Variants in PARD3 observed in about 807,000 individuals in gnomAD.
The protein encoded by PARD3 is partitioning defective 3 homolog.
In PARD3, 75 loss-of-function variants were observed where a neutral mutation model predicts 155.4. That is an observed-to-expected ratio of 0.48 (90% CI 0.40 to 0.58). PARD3 has a LOEUF of 0.58. PARD3 is among the 20% of genes least tolerant of loss of function. PARD3 has a pLI of 0.00. For missense variants in PARD3, 1,642 were observed against 1,721.7 expected, an observed-to-expected ratio of 0.95 and a Z score of 0.82; for synonymous variants, 576 against 610.5, an observed-to-expected ratio of 0.94 and a Z score of 0.83.
intron 2 of PARD3, among the ~76,000 whole-genome samples, chr10:34,652,627 A>G (rs1365805010): frequency 6.6e-6 from 1 of 152,204 alleles, no homozygotes; most frequent in Non-Finnish European, 1.5e-5. Flanking sequence ...CCCTTACTGA[A>G]ATGCACGCTG....
intron 22 of PARD3, among the ~76,000 whole-genome samples, chr10:34,237,223 T>C: frequency 6.6e-6 from 1 of 152,196 alleles, no homozygotes. Context: ...TGATCCATTG[T>C]GTAGGTACAG....
chr10:34,147,556 A>G (rs186024376), intron 22 of PARD3, among the ~76,000 whole-genome samples: 2 of 151,938 alleles, frequency 1.3e-5, no homozygotes, highest in African/African-American at 4.8e-5. Context: ...GTTTATATAT[A>G]TAGTAAAATT....
At chr10:34,171,765 T>A (rs1408137801) in intron 22 of PARD3, among the ~76,000 whole-genome samples, 1 of 151,410 alleles carries the variant, frequency 6.6e-6, no homozygotes, top group East Asian at 1.9e-4. Flanking sequence ...GCCTAGCCAA[T>A]ATGGTGAAAT....
At chr10:34,542,001 C>T (rs987778580) in intron 2 of PARD3, among the ~76,000 whole-genome samples, 1 of 151,982 alleles carries the variant, frequency 6.6e-6, no homozygotes, top group Non-Finnish European at 1.5e-5. Context: ...CTCAGCCTCC[C>T]GAGTAGCTGA....
At chr10:34,298,755 T>A (rs1957026098) in intron 20 of PARD3, among the ~76,000 whole-genome samples, 1 of 152,184 alleles carries the variant, frequency 6.6e-6, no homozygotes. Context: ...TAGGTATATT[T>A]CACCACGATT....
intron 3 of PARD3, among the ~76,000 whole-genome samples, chr10:34,502,288 T>C (rs891536030): frequency 2.6e-5 from 4 of 152,050 alleles, no homozygotes; most frequent in African/African-American, 4.8e-5. Flanking sequence ...CAGAGAGAGA[T>C]GTAACCATAG....
chr10:34,674,707 G>T (rs550701700), intron 2 of PARD3, among the ~76,000 whole-genome samples: 8 of 151,810 alleles, frequency 5.3e-5, no homozygotes, highest in African/African-American at 1.9e-4. Flanking sequence ...GGCTGGTCTC[G>T]AACTCCTGAC....
At chr10:34,156,145 T>A (rs750429652) in intron 22 of PARD3, among the ~76,000 whole-genome samples, 15 of 152,190 alleles carry the variant, frequency 9.9e-5, no homozygotes, top group Non-Finnish European at 1.6e-4. Context: ...AATCTAACTG[T>A]CACCCAGGGT....
intron 1 of PARD3, among the ~76,000 whole-genome samples, chr10:34,803,581 A>C (rs1281038492): frequency 6.6e-6 from 1 of 152,162 alleles, no homozygotes; most frequent in Non-Finnish European, 1.5e-5. Flanking sequence ...ACTTTAGGTC[A>C]GAAGTTCAAG....
chr10:34,346,762 G>C (rs573879053), intron 15 of PARD3, among the ~76,000 whole-genome samples: 256 of 152,266 alleles, frequency 1.7e-3, no homozygotes, highest in African/African-American at 6.0e-3. Context: ...GAAAAATGTT[G>C]ACAAAGTAAC....
At chr10:34,640,489 C>T (rs1015321173) in intron 2 of PARD3, among the ~76,000 whole-genome samples, 17 of 151,846 alleles carry the variant, frequency 1.1e-4, no homozygotes, top group Middle Eastern at 3.4e-3. Context: ...TGGTGGCATG[C>T]ACCTATAGTC....
chr10:34,299,761 TAAAATTA>T (rs1294499623), intron 20 of PARD3, among the ~76,000 whole-genome samples: 1 of 152,208 alleles, frequency 6.6e-6, no homozygotes, highest in African/African-American at 2.4e-5. Context: ...GTTTGTTCAT[TAAAATTA>T]AGAAAGATAA....
At chr10:34,779,608 G>A (rs191971838) in intron 1 of PARD3, among the ~76,000 whole-genome samples, 210 of 152,164 alleles carry the variant, frequency 1.4e-3, no homozygotes, top group Non-Finnish European at 2.4e-3. Flanking sequence ...GCGACACAGC[G>A]TGACTCCATC....
chr10:34,401,783 T>C (rs770749692), intron 6 of PARD3, 43 bp downstream of exon 6: 1 of 1,179,964 alleles, frequency 8.5e-7, no homozygotes, highest in Admixed American at 1.7e-5. Context: ...TTAATGATGC[T>C]ACATGTATAC....
chr10:34,354,869 G>A lies in PARD3; in HGVS notation c.2067+4278C>T, dbSNP rs145950808. On this transcript the variant is annotated intron_variant, in intron 14 of 24. Coordinates refer to ENST00000374788, the MANE Select transcript of PARD3 (RefSeq NM_001184785.2). ...TGAAGGGATTTCAGCAGGGACTGACGTGATTAATGTGTTCTGTAGAAAAAT... is the reference window on the plus strand; with the variant it reads ...TGAAGGGATTTCAGCAGGGACTGACATGATTAATGTGTTCTGTAGAAAAAT... 3.9e-4 allele frequency among the ~76,000 whole-genome samples: 60 copies of A among 152,288 alleles called. No individual in the cohort carries two copies. In the Middle Eastern group the frequency reaches 0.031, roughly 78 times the overall value.
chr10:34,242,546 T>C (rs1252045732), intron 22 of PARD3, among the ~76,000 whole-genome samples: 6 of 152,184 alleles, frequency 3.9e-5, no homozygotes, highest in African/African-American at 7.2e-5. Context: ...GGCAGAAATA[T>C]ATGATTCTAA....
At chr10:34,134,197 A>G (rs529430451) in intron 22 of PARD3, among the ~76,000 whole-genome samples, 1 of 152,310 alleles carries the variant, frequency 6.6e-6, no homozygotes, top group South Asian at 2.1e-4. Flanking sequence ...GTAATGGTGT[A>G]GGCATGAGTG....
chr10:34,591,457 C>T (rs2088670171), intron 2 of PARD3, among the ~76,000 whole-genome samples: 1 of 152,134 alleles, frequency 6.6e-6, no homozygotes. Context: ...ACATTCTAAA[C>T]ACTGGCTACA....
At chr10:34,658,928 A>G (rs2093253289) in intron 2 of PARD3, among the ~76,000 whole-genome samples, 2 of 152,376 alleles carry the variant, frequency 1.3e-5, no homozygotes, top group South Asian at 4.1e-4. Flanking sequence ...TAAGTACAGC[A>G]TTTATAATTG....
Sources: gnomAD v4.1 joint callset for allele counts (sites outside exome capture counted in the v4.1 genomes callset) on GRCh38, gnomAD v4.1.1 for gene constraint, MANE v1.5 for transcripts, NCBI Gene and HGNC (gene_info 2026-07-23, HGNC 2026-07-21) for gene names.